The following DMD variants were observed in gnomAD, a reference collection of about 807,000 sequenced individuals.
DMD encodes dystrophin.
A neutral mutation model predicts 330.1 loss-of-function variants in DMD; 63 were observed. That is an observed-to-expected ratio of 0.19 (90% CI 0.16 to 0.24). The LOEUF (loss-of-function observed/expected upper bound fraction) is 0.24, where lower values mean the gene tolerates loss of function less well. DMD is among the 10% of genes least tolerant of loss of function. The probability of loss-of-function intolerance (pLI) is 1.00; values close to 1 mark genes in which losing one functional copy is unlikely to be tolerated. For synonymous variants in DMD, 1,223 were observed against 959.8 expected, an observed-to-expected ratio of 1.27 and a Z score of -5.07; for missense variants, 3,344 against 2,684.1, an observed-to-expected ratio of 1.25 and a Z score of -5.43.
intron 43 of DMD, among the ~76,000 whole-genome samples, chrX:32,229,954 T>A (rs2097163025): frequency 9.2e-6 from 1 of 108,159 alleles, no homozygotes; most frequent in African/African-American, 3.4e-5. Context: ...TTATCTTCCA[T>A]AACTGAAACT....
In DMD at chrX:32,217,021, A is replaced by G. The variant is rs2097114793; in HGVS notation, c.6333T>C (p.Tyr2111=). Residue 2111 remains tyrosine, a synonymous_variant, in exon 44 of 79, where the codon TAT becomes TAC. Coordinates refer to ENST00000357033, the MANE Select transcript of DMD (RefSeq NM_004006.3). ...RSVEKWRRFH[Y]DIKIFNQWLT... ...GCCACTGATTAAATATCTTTATATC[A>G]TAATGAAAACGCCGCCATTTCTCAA... 1 of 1,209,593 alleles carries G rather than the reference A, an allele frequency of 8.3e-7. No individual in the cohort carries two copies. Among genetic ancestry groups the G allele is most frequent in the African/African-American group, 1.7e-5 (1 of 57,808 alleles).
At position 32,346,100 on chromosome X, in the gene DMD, A is replaced by G. The variant is rs755562099; in HGVS notation, c.5449-20T>C. 4 of 1,207,673 alleles carry G rather than the reference A, an allele frequency of 3.3e-6. No individual in the cohort carries two copies. The highest frequency in any genetic ancestry group is 2.2e-5 in the Admixed American group (1 of 45,808). ...TTCATTCTGATCAAAAACAACAAGTACAGTCTTCATTTTGGTTTTTAAAAA... is the reference window on the plus strand; with the variant it reads ...TTCATTCTGATCAAAAACAACAAGTGCAGTCTTCATTTTGGTTTTTAAAAA... On this transcript the variant is annotated intron_variant, in intron 38 of 78. Coordinates refer to ENST00000357033, the MANE Select transcript of DMD (RefSeq NM_004006.3).
chrX:32,226,709 AC>A (rs2097148934), intron 43 of DMD, among the ~76,000 whole-genome samples: 2 of 111,259 alleles, frequency 1.8e-5, no homozygotes, highest in Non-Finnish European at 3.8e-5. Flanking sequence ...TCACACATAA[AC>A]CCAGAATAAT....
chrX:33,267,977 G>A (rs1481496242), intron 1 of DMD, among the ~76,000 whole-genome samples: 1 of 106,286 alleles, frequency 9.4e-6, no homozygotes, highest in Non-Finnish European at 1.9e-5. Context: ...TGTCCTTCTT[G>A]ACATTGGCAT....
At chrX:32,810,063 CAGTGAA>C (rs2077258978) in intron 6 of DMD, among the ~76,000 whole-genome samples, 1 of 109,857 alleles carries the variant, frequency 9.1e-6, no homozygotes, top group South Asian at 4.0e-4. Context: ...GTTGAGGGTT[CAGTGAA>C]CCATAATCGT....
At chrX:32,080,106 A>G (rs1428000696) in intron 44 of DMD, among the ~76,000 whole-genome samples, 1 of 112,602 alleles carries the variant, frequency 8.9e-6, no homozygotes. Flanking sequence ...TTAACTGGCC[A>G]CTATTCTGAG....
chrX:31,271,512 G>A (rs1213965531), intron 62 of DMD, among the ~76,000 whole-genome samples: 1 of 111,229 alleles, frequency 9.0e-6, no homozygotes, highest in Non-Finnish European at 1.9e-5. Flanking sequence ...ATGCAGAGTG[G>A]CATAGGAAAG....
intron 47 of DMD, among the ~76,000 whole-genome samples, chrX:31,889,766 G>C (rs1479768736): frequency 9.3e-6 from 1 of 107,218 alleles, no homozygotes; most frequent in Non-Finnish European, 1.9e-5. Flanking sequence ...CTAAACAAAG[G>C]CTCTACAAAG....
intron 7 of DMD, among the ~76,000 whole-genome samples, chrX:32,774,711 C>A (rs1456394210): frequency 9.0e-6 from 1 of 111,019 alleles, no homozygotes; most frequent in Non-Finnish European, 1.9e-5. Flanking sequence ...CCAGTTCCCT[C>A]CCTTGACACG....
chrX:31,465,877 G>T (rs2066820185), intron 59 of DMD, among the ~76,000 whole-genome samples: 2 of 111,811 alleles, frequency 1.8e-5, no homozygotes, highest in African/African-American at 6.5e-5. Flanking sequence ...GATGTTTCCT[G>T]ACTTTTTAAT....
intron 70 of DMD, chrX:31,178,277 A>G (rs1345990887): frequency 2.7e-6 from 2 of 749,640 alleles, no homozygotes; most frequent in Admixed American, 1.8e-4. Flanking sequence ...GAAACAAGTG[A>G]CTAGATATGA....
intron 33 of DMD, among the ~76,000 whole-genome samples, chrX:32,384,357 G>A (rs1053506721): frequency 1.1e-5 from 1 of 92,400 alleles, no homozygotes; most frequent in African/African-American, 4.6e-5. Context: ...TTCTCTAGAG[G>A]ATATAAAGGT....
At chrX:32,172,658 A>T (rs1285524677) in intron 44 of DMD, among the ~76,000 whole-genome samples, 1 of 111,383 alleles carries the variant, frequency 9.0e-6, no homozygotes, top group African/African-American at 3.3e-5. Context: ...TTAGACTTAT[A>T]CTCTATAGTG....
chrX:32,031,184 C>T (rs898175420), intron 44 of DMD, among the ~76,000 whole-genome samples: 4 of 111,816 alleles, frequency 3.6e-5, no homozygotes, highest in African/African-American at 1.3e-4. Context: ...TTAGGTCTCC[C>T]TCTTGTGTCT....
At chrX:31,366,932 T>C (rs2148625899) in intron 60 of DMD, among the ~76,000 whole-genome samples, 1 of 111,156 alleles carries the variant, frequency 9.0e-6, no homozygotes, top group South Asian at 3.8e-4. Context: ...TATCTCTAAA[T>C]TAGGGGGTCC....
intron 2 of DMD, among the ~76,000 whole-genome samples, chrX:32,955,517 G>T (rs1436949925): frequency 9.0e-6 from 1 of 110,995 alleles, no homozygotes; most frequent in Non-Finnish European, 1.9e-5. Flanking sequence ...AGTTTCCTTT[G>T]CTGTGCAGAA....
chrX:32,537,254 A>C (rs1603635769), intron 17 of DMD, among the ~76,000 whole-genome samples: 2 of 111,714 alleles, frequency 1.8e-5, no homozygotes, highest in South Asian at 7.5e-4. Flanking sequence ...TAAGCATTTG[A>C]ATTATACAGG....
chrX:33,177,446 G>A (rs2049729615), intron 1 of DMD, among the ~76,000 whole-genome samples: 1 of 111,891 alleles, frequency 8.9e-6, no homozygotes, highest in African/African-American at 3.3e-5. Flanking sequence ...GTGCAGTGGT[G>A]CAATCTCGGC....
intron 56 of DMD, among the ~76,000 whole-genome samples, chrX:31,503,428 A>G (rs986401197): frequency 9.8e-5 from 11 of 112,352 alleles, no homozygotes; most frequent in Non-Finnish European, 1.3e-4. Context: ...GTGACAGAAT[A>G]GAACAGAAGG....
Sources: gnomAD v4.1 joint callset for allele counts (sites outside exome capture counted in the v4.1 genomes callset) on GRCh38, gnomAD v4.1.1 for gene constraint, MANE v1.5 for transcripts, NCBI Gene and HGNC (gene_info 2026-07-23, HGNC 2026-07-21) for gene names.